PROM1: variants seen among roughly 807,000 people sequenced by gnomAD.
PROM1 encodes prominin 1, also known as prominin-1.
In PROM1, 105 loss-of-function variants were observed where a neutral mutation model predicts 116.9. The observed-to-expected ratio is 0.90, with a 90% CI of 0.77 to 1.06. PROM1 has a LOEUF of 1.06. Ranked by LOEUF, PROM1 falls within the 50% of genes least tolerant of loss-of-function variation. The probability of loss-of-function intolerance (pLI) is 0.00; values close to 1 mark genes in which losing one functional copy is unlikely to be tolerated. For missense variants in PROM1, 1,122 were observed against 1,045.2 expected (o/e 1.07, Z -1.01); for synonymous variants, 393 against 387.0 (o/e 1.02, Z -0.18).
intron 15 of PROM1, among the ~76,000 whole-genome samples, chr4:15,996,424 C>A (rs933232939): frequency 6.6e-6 from 1 of 152,008 alleles, no homozygotes; most frequent in Non-Finnish European, 1.5e-5. Context: ...GCAGGAGAAT[C>A]GCTTGAACCC....
chr4:15,972,254 G>A (rs1714750993), intron 26 of PROM1, among the ~76,000 whole-genome samples: 1 of 152,174 alleles, frequency 6.6e-6, no homozygotes, highest in Non-Finnish European at 1.5e-5. Context: ...CAGTGTCTTA[G>A]TATGTTTTCT....
At chr4:16,021,471 A>G (rs550608582) in intron 8 of PROM1, among the ~76,000 whole-genome samples, 1 of 152,332 alleles carries the variant, frequency 6.6e-6, no homozygotes, top group East Asian at 1.9e-4. Flanking sequence ...TTGCAGTCAC[A>G]TAATATATGT....
intron 17 of PROM1, 69 bp from the exon 18 acceptor site, chr4:15,991,362 G>C (rs1560422508): frequency 3.9e-6 from 4 of 1,026,886 alleles, no homozygotes; most frequent in Non-Finnish European, 1.4e-6. Context: ...ACATCTAGTA[G>C]GCAACAGATT....
At chr4:16,011,809 T>A (rs1726943137) in intron 11 of PROM1, among the ~76,000 whole-genome samples, 1 of 152,194 alleles carries the variant, frequency 6.6e-6, no homozygotes, top group Admixed American at 6.5e-5. Flanking sequence ...TGTAGCAAGA[T>A]AAAACACTTT....
intron 4 of PROM1, 97 bp from the exon 5 acceptor site, chr4:16,033,606 T>TTTC: frequency 8.9e-7 from 1 of 1,124,450 alleles, no homozygotes. Context: ...TTTTTTTTTT[T>TTTC]TGAGACAGGG....
chr4:16,040,588 G>A (rs769741488), intron 2 of PROM1, among the ~76,000 whole-genome samples: 2 of 152,200 alleles, frequency 1.3e-5, no homozygotes, highest in Non-Finnish European at 2.9e-5. Flanking sequence ...ATCTAGCAAC[G>A]AGTTAGAAGG....
intron 8 of PROM1, among the ~76,000 whole-genome samples, chr4:16,019,495 T>C (rs1186946391): frequency 1.3e-5 from 2 of 152,212 alleles, no homozygotes; most frequent in African/African-American, 4.8e-5. Context: ...CATGGGTTTA[T>C]TGGGATGTAA....
intron 9 of PROM1, among the ~76,000 whole-genome samples, chr4:16,018,016 A>T (rs74286377): frequency 5.3e-5 from 8 of 152,208 alleles, no homozygotes; most frequent in African/African-American, 9.6e-5. Flanking sequence ...ATATTTAAAA[A>T]TTTTTTAATT....
intron 17 of PROM1, 98 bp downstream of exon 17, chr4:15,992,150 T>A: frequency 6.7e-7 from 1 of 1,484,202 alleles, no homozygotes. Flanking sequence ...TTACATCATG[T>A]GAATCTCATC....
chr4:16,059,558 A>C (rs1739835936), intron 2 of PROM1, among the ~76,000 whole-genome samples: 1 of 152,086 alleles, frequency 6.6e-6, no homozygotes, highest in Non-Finnish European at 1.5e-5. Context: ...AAAAAAAATT[A>C]GTCGGGTGGG....
chr4:16,006,463 T>G, intron 13 of PROM1, 75 bp downstream of exon 13: 1 of 1,467,562 alleles, frequency 6.8e-7, no homozygotes, highest in Non-Finnish European at 9.1e-7. Flanking sequence ...GCCGGGTTCA[T>G]GTAACACCAG....
chr4:16,025,229 A>G lies in PROM1; in HGVS notation c.593T>C (p.Phe198Ser). Residue 198 changes from phenylalanine to serine, a missense_variant, in exon 6 of 28, where the codon TTC (phenylalanine) becomes TCC (serine). Physicochemically the swap from Phe to Ser is radical, Grantham distance 155. Transcript: ENST00000447510. Reference sequence around the variant, plus strand: ...ATTCAAGAGAGTTCGCAAGTCCTTGAAATTGCTATCTGCCAGTTTCCGACT... The same window carrying G: ...ATTCAAGAGAGTTCGCAAGTCCTTGGAATTGCTATCTGCCAGTTTCCGACT... ...KRSRKLADSN[F>S]KDLRTLLNET... The G allele has an allele frequency of 1.9e-6, 3 of 1,613,974 alleles. No individual in the cohort carries two copies. The highest frequency in any genetic ancestry group is 2.5e-6 in the Non-Finnish European group (3 of 1,179,818).
intron 16 of PROM1, among the ~76,000 whole-genome samples, 189 bp from the exon 17 acceptor site, chr4:15,992,580 T>C (rs938777760): frequency 6.6e-6 from 1 of 152,090 alleles, no homozygotes; most frequent in African/African-American, 2.4e-5. Flanking sequence ...TAAAGAGACC[T>C]TGTCTCTATT....
chr4:16,037,762 T>C (rs1320165128), intron 3 of PROM1, among the ~76,000 whole-genome samples: 1 of 152,138 alleles, frequency 6.6e-6, no homozygotes, highest in Non-Finnish European at 1.5e-5. Context: ...TGCTACACAC[T>C]TTTGTCTGTT....
intron 5 of PROM1, among the ~76,000 whole-genome samples, chr4:16,032,620 A>T (rs1732976097): frequency 6.6e-6 from 1 of 152,182 alleles, no homozygotes; most frequent in Non-Finnish European, 1.5e-5. Context: ...ACAAGGGAAC[A>T]CTGCTGTGGC....
chr4:15,999,707 C>G (rs1277224972), intron 14 of PROM1, among the ~76,000 whole-genome samples: 1 of 152,146 alleles, frequency 6.6e-6, no homozygotes, highest in East Asian at 1.9e-4. Flanking sequence ...GTGATCTCAA[C>G]TTAATCTCCC....
intron 22 of PROM1, 81 bp downstream of exon 22, chr4:15,985,679 A>G (rs1388092342): frequency 9.7e-7 from 1 of 1,032,614 alleles, no homozygotes; most frequent in Non-Finnish European, 1.5e-6. Flanking sequence ...ATTTAATTTT[A>G]TTTCTTCCAG....
chr4:15,979,764 A>T, intron 25 of PROM1, 117 bp downstream of exon 25: 1 of 1,059,636 alleles, frequency 9.4e-7, no homozygotes, highest in African/African-American at 1.6e-5. Flanking sequence ...GCCTGTACAG[A>T]TCTGCTGTTT....
chr4:15,983,175 A>G (rs1292596781), intron 23 of PROM1, among the ~76,000 whole-genome samples: 1 of 152,216 alleles, frequency 6.6e-6, no homozygotes, highest in African/African-American at 2.4e-5. Flanking sequence ...AGGAATGAGG[A>G]AAACGGAGCT....
Sources: gnomAD v4.1 joint callset for allele counts (sites outside exome capture counted in the v4.1 genomes callset) on GRCh38, gnomAD v4.1.1 for gene constraint, MANE v1.5 for transcripts, NCBI Gene and HGNC (gene_info 2026-07-23, HGNC 2026-07-21) for gene names.